TEKT3: variants seen among roughly 807,000 people sequenced by gnomAD.
TEKT3 encodes tektin-3.
TEKT3 carries 49 observed loss-of-function variants against 49.8 expected under a neutral mutation model. That is an observed-to-expected ratio of 0.98 (90% CI 0.78 to 1.25). The LOEUF (loss-of-function observed/expected upper bound fraction) is 1.25. Ranked by LOEUF, TEKT3 falls within the 50% of genes most tolerant of loss-of-function variation. The pLI, the probability that TEKT3 is intolerant of heterozygous loss-of-function variation, is 0.00. For missense variants in TEKT3, 595 were observed against 629.5 expected (o/e 0.95, Z 0.59); for synonymous variants, 225 against 237.2 (o/e 0.95, Z 0.47).
chr17:15,319,268 C>T (rs1911151716), intron 4 of TEKT3, 121 bp from the exon 5 acceptor site: 1 of 775,824 alleles, frequency 1.3e-6, no homozygotes, highest in African/African-American at 1.8e-5. Context: ...TGAAGTTAAA[C>T]AAGAAAACAA....
intron 5 of TEKT3, 91 bp downstream of exon 5, chr17:15,318,986 C>A: frequency 9.5e-7 from 1 of 1,054,510 alleles, no homozygotes. Context: ...TGTGTGTGTC[C>A]TTATAAGAAA....
chr17:15,333,711 A>G (rs1375705263), intron 2 of TEKT3, among the ~76,000 whole-genome samples: 1 of 150,974 alleles, frequency 6.6e-6, no homozygotes, highest in Non-Finnish European at 1.5e-5. Flanking sequence ...GACCACTCCT[A>G]CTTGGCTTTG....
chr17:15,331,355 C>T lies in TEKT3; in HGVS notation c.231G>A (p.Glu77=), dbSNP rs1911736798. The T allele has an allele frequency of 1.9e-6, 3 of 1,614,058 alleles. No individual in the cohort carries two copies. The highest frequency in any genetic ancestry group is 2.5e-6 in the Non-Finnish European group (3 of 1,180,050). The change falls in exon 3 of 9, where the codon GAG becomes GAA. Residue 77 remains glutamate (E), a synonymous_variant. Coordinates refer to ENST00000395930, the MANE Select transcript of TEKT3 (RefSeq NM_031898.3). ...TGGAAACAAAGGGAAGCATGGTATT[C>T]TCGGACACCCTCTGTGATCTGGTGC... ...PYCTRSQRVS[E]NTMLPFVSNR...
chr17:15,317,886 A>G (rs941862513), intron 5 of TEKT3, among the ~76,000 whole-genome samples: 1 of 151,634 alleles, frequency 6.6e-6, no homozygotes, highest in African/African-American at 2.4e-5. Flanking sequence ...AAGAATGTGT[A>G]TTCTAGTGAG....
In TEKT3 at chr17:15,328,013, T is replaced by C; in HGVS notation, c.642A>G (p.Glu214=). The change falls in exon 4 of 9, where the codon GAA becomes GAG. Residue 214 remains glutamate, a synonymous_variant. Transcript: ENST00000395930. Reference sequence around the variant, plus strand: ...TTACCGTCAGCAGTTGTGCTTCAACTTCATCGTGAACTAGGTCGATTCCCA... The same window carrying C: ...TTACCGTCAGCAGTTGTGCTTCAACCTCATCGTGAACTAGGTCGATTCCCA... ...KRMGIDLVHD[E]VEAQLLTEVD... 6.2e-7 allele frequency: 1 copy of C among 1,614,054 alleles called. No homozygotes were observed. The highest frequency in any genetic ancestry group is 1.1e-5 in the South Asian group (1 of 91,066).
At chr17:15,314,705 G>A (rs192574810) in intron 5 of TEKT3, among the ~76,000 whole-genome samples, 45 of 152,142 alleles carry the variant, frequency 3.0e-4, no homozygotes, top group African/African-American at 9.6e-4. Context: ...CTTTATAGCC[G>A]AGCCTCCTGC....
upstream of TEKT3, among the ~76,000 whole-genome samples, chr17:15,342,301 C>T (rs1300861301): frequency 1.3e-5 from 2 of 152,188 alleles, no homozygotes; most frequent in African/African-American, 4.8e-5. Flanking sequence ...GACTCAGTGG[C>T]AGAGCTAACA....
At chr17:15,313,080 T>C (rs1306225878) in intron 6 of TEKT3, among the ~76,000 whole-genome samples, 2 of 152,184 alleles carry the variant, frequency 1.3e-5, no homozygotes, top group African/African-American at 4.8e-5. Flanking sequence ...GATATACGTG[T>C]GAGGATATTC....
At chr17:15,327,377 A>C (rs186145930) in intron 4 of TEKT3, among the ~76,000 whole-genome samples, 1 of 152,144 alleles carries the variant, frequency 6.6e-6, no homozygotes, top group East Asian at 1.9e-4. Flanking sequence ...TTAGCCAGGC[A>C]TGGTGGCAGG....
intron 3 of TEKT3, among the ~76,000 whole-genome samples, chr17:15,328,707 T>C (rs779074615): frequency 6.6e-6 from 1 of 152,190 alleles, no homozygotes; most frequent in Non-Finnish European, 1.5e-5. Flanking sequence ...CTTTTTAGTA[T>C]TGACATTAAA....
chr17:15,314,482 A>G (rs917515980), intron 5 of TEKT3, among the ~76,000 whole-genome samples: 2 of 152,198 alleles, frequency 1.3e-5, no homozygotes, highest in Admixed American at 1.3e-4. Context: ...TGGGTAGAGC[A>G]GGTGAAGATA....
intron 2 of TEKT3, among the ~76,000 whole-genome samples, chr17:15,339,066 G>C (rs781348603): frequency 6.6e-6 from 1 of 152,114 alleles, no homozygotes. Context: ...ACTTTTAAGA[G>C]GTGATTATGT....
intron 5 of TEKT3, among the ~76,000 whole-genome samples, chr17:15,317,412 A>G (rs1911055339): frequency 6.6e-6 from 1 of 152,136 alleles, no homozygotes; most frequent in East Asian, 1.9e-4. Flanking sequence ...GAACCACACT[A>G]AACATGTTTC....
At chr17:15,326,110 A>G (rs766814056) in intron 4 of TEKT3, among the ~76,000 whole-genome samples, 2 of 152,178 alleles carry the variant, frequency 1.3e-5, no homozygotes, top group Non-Finnish European at 2.9e-5. Flanking sequence ...TCTGCTTGTC[A>G]TCTTTAATGT....
intron 5 of TEKT3, among the ~76,000 whole-genome samples, chr17:15,317,263 T>G (rs1911051001): frequency 6.6e-6 from 1 of 152,122 alleles, no homozygotes. Context: ...TTGAGGCAAT[T>G]TGTAACAGGG....
chr17:15,332,149 C>T (rs868339410), intron 2 of TEKT3, among the ~76,000 whole-genome samples: 14 of 152,044 alleles, frequency 9.2e-5, no homozygotes, highest in African/African-American at 3.1e-4. Context: ...GCTGAGATCG[C>T]ACCACTGCAC....
At chr17:15,330,858 G>T in intron 3 of TEKT3, 149 bp downstream of exon 3, 2 of 783,160 alleles carry the variant, frequency 2.6e-6, no homozygotes, top group Non-Finnish European at 3.9e-6. Context: ...CAGTGGTTTT[G>T]CCATTGCTGA....
At chr17:15,342,885 A>T (rs2150759413), upstream of TEKT3, among the ~76,000 whole-genome samples, 1 of 152,320 alleles carries the variant, frequency 6.6e-6, no homozygotes, top group African/African-American at 2.4e-5. Context: ...TATGTTCCTT[A>T]TCAGCAACTT....
intron 5 of TEKT3, among the ~76,000 whole-genome samples, chr17:15,316,641 A>T (rs1474354194): frequency 6.6e-6 from 1 of 152,214 alleles, no homozygotes; most frequent in Non-Finnish European, 1.5e-5. Flanking sequence ...TTAAAATGTT[A>T]ACAAAAGCCA....
Sources: gnomAD v4.1 joint callset for allele counts (sites outside exome capture counted in the v4.1 genomes callset) on GRCh38, gnomAD v4.1.1 for gene constraint, MANE v1.5 for transcripts, NCBI Gene and HGNC (gene_info 2026-07-23, HGNC 2026-07-21) for gene names.